The following GRID2IP variants were observed in gnomAD, a reference collection of about 807,000 sequenced individuals.
The protein encoded by GRID2IP is Grid2 interacting protein.
GRID2IP carries 78 observed loss-of-function variants against 114.3 expected under a neutral mutation model. The observed-to-expected ratio is 0.68, with a 90% CI of 0.57 to 0.82. GRID2IP has a LOEUF of 0.82. Among genes scored for constraint, GRID2IP ranks in the 40% least tolerant of loss-of-function variants. GRID2IP has a pLI of 0.00. For missense variants in GRID2IP, 1,727 were observed against 1,678.5 expected (o/e 1.03, Z -0.51); for synonymous variants, 809 against 724.0 (o/e 1.12, Z -1.89).
chr7:6,515,730 G>C (rs149714172), intron 7 of GRID2IP, among the ~76,000 whole-genome samples: 25 of 151,626 alleles, frequency 1.6e-4, no homozygotes, highest in Non-Finnish European at 3.1e-4. Flanking sequence ...GTTGCACCGA[G>C]CCAAGATTGC....
Position 6,521,570 on chromosome 7 carries a change from G to C in GRID2IP, c.990-47C>G. Reference sequence around the variant, plus strand: ...GGAGGGCCTGACTGGGGTGAGCCCTGTCCACGGCCACCAGCCAGACCTCCC... The same window carrying C: ...GGAGGGCCTGACTGGGGTGAGCCCTCTCCACGGCCACCAGCCAGACCTCCC... On this transcript the variant is annotated intron_variant, in intron 5 of 21. Coordinates refer to ENST00000457091, the MANE Select transcript of GRID2IP (RefSeq NM_001145118.2). This position sits in a 1 kb window ranked among gnomAD's most constrained non-coding sequence, Gnocchi z 4.1. The C allele has an allele frequency of 7.2e-7, 1 of 1,396,604 alleles. No individual in the cohort carries two copies. The highest frequency in any genetic ancestry group is 9.7e-7 in the Non-Finnish European group (1 of 1,026,266). 86.5% of individuals were successfully genotyped at this position (1,396,604 alleles called of 1,614,324 possible).
In GRID2IP at chr7:6,497,704, G is replaced by C; in HGVS notation, c.*70C>G. ...CGGGGCACAGTGGCCCCGGACCTCG[G>C]CAGTGTCTGGGCTGCCCTCTCGGCC... On this transcript the variant is annotated 3_prime_UTR_variant, in exon 22 of 22. Transcript: ENST00000457091. The C allele has an allele frequency of 8.4e-7, 1 of 1,191,530 alleles. No homozygotes were observed. Among genetic ancestry groups the C allele is most frequent in the Non-Finnish European group, 1.2e-6 (1 of 842,866 alleles). 73.8% of individuals were successfully genotyped at this position (1,191,530 alleles called of 1,614,324 possible).
chr7:6,503,206 G>C, intron 16 of GRID2IP, 43 bp from the exon 17 acceptor site: 1 of 1,461,428 alleles, frequency 6.8e-7, no homozygotes, highest in South Asian at 1.4e-5. Context: ...CCCCTTCCTG[G>C]GACCCTCTGC....
In GRID2IP at chr7:6,503,656, G is replaced by C. The variant is rs1239804959; in HGVS notation, c.2742C>G (p.Pro914=). ...SILLAHLKLS[P]AELRQVLMSM... ...TCATCAGCACCTGGCGCAGCTCCGC[G>C]GGGCTCAGCTTCAGGTGTGCCAAGA... is the stretch of plus-strand genomic sequence containing the variant. The change falls in exon 16 of 22, where the codon CCC becomes CCG. Residue 914 remains proline (P), a synonymous_variant. Transcript: ENST00000457091. The C allele has an allele frequency of 3.3e-6, 5 of 1,515,654 alleles. No homozygotes were observed. The highest frequency in any genetic ancestry group is 4.4e-6 in the Non-Finnish European group (5 of 1,138,662). 93.9% of individuals were successfully genotyped at this position (1,515,654 alleles called of 1,614,324 possible).
chr7:6,529,922 C>T (rs1005438201), intron 2 of GRID2IP, among the ~76,000 whole-genome samples: 1 of 150,984 alleles, frequency 6.6e-6, no homozygotes, highest in Non-Finnish European at 1.5e-5. Context: ...CTCCTAGGGT[C>T]CTCTCTCCCC....
intron 2 of GRID2IP, among the ~76,000 whole-genome samples, chr7:6,537,827 A>C (rs905405019): frequency 2.6e-5 from 4 of 151,738 alleles, no homozygotes; most frequent in African/African-American, 7.3e-5. Context: ...TCCAGCCTGG[A>C]TGACAGAGCG....
intron 8 of GRID2IP, 151 bp downstream of exon 8, chr7:6,514,224 G>A: frequency 1.3e-6 from 1 of 750,510 alleles, no homozygotes; most frequent in Non-Finnish European, 2.0e-6. Context: ...TTGCACTCCA[G>A]CCTGGGGCAC....
intron 2 of GRID2IP, among the ~76,000 whole-genome samples, chr7:6,527,557 G>A (rs1311776559): frequency 2.0e-5 from 3 of 152,138 alleles, no homozygotes; most frequent in African/African-American, 4.8e-5. Flanking sequence ...GTGGGTCTCC[G>A]CTGCAGGGCT....
In GRID2IP at chr7:6,512,424, T is replaced by TC. The variant is rs1380476099; in HGVS notation, c.1424-1386dup. Among the ~76,000 whole-genome samples the TC allele has an allele frequency of 4.0e-5, 6 of 151,688 alleles. No homozygotes were observed. The East Asian group carries it at 1.2e-3, about 30-fold the overall frequency. On this transcript the variant is annotated intron_variant, in intron 8 of 21. Coordinates refer to ENST00000457091, the MANE Select transcript of GRID2IP (RefSeq NM_001145118.2). ...TTTTGCTATGTTGCCCAGGCTGGTC[T>TC]CCAACTCCTGAGCTCAAGTGCTCCT...
Position 6,509,365 on chromosome 7 carries a change from C to T in GRID2IP, c.1772-52G>A. The T allele has an allele frequency of 7.0e-7, 1 of 1,434,192 alleles. No individual in the cohort carries two copies. Among genetic ancestry groups the T allele is most frequent in the South Asian group, 1.5e-5 (1 of 68,150 alleles). 88.8% of individuals were successfully genotyped at this position (1,434,192 alleles called of 1,614,324 possible). ...TCCTCTTCAGCCAGCACCGAGGTTC[C>T]AGGTGCAAGCTGGAGAGAGGGTCCT... On this transcript the variant is annotated intron_variant, in intron 11 of 21. Transcript: ENST00000457091. The surrounding 1 kb of genome is among the most constrained non-coding windows in gnomAD (Gnocchi z 4.9).
chr7:6,511,075 C>T, intron 8 of GRID2IP, 36 bp from the exon 9 acceptor site: 1 of 1,367,024 alleles, frequency 7.3e-7, no homozygotes, highest in South Asian at 1.7e-5. Flanking sequence ...GCCCTCTTGC[C>T]CTCTCAGCCA....
Position 6,532,200 on chromosome 7 carries a change from G to C in GRID2IP, c.585-5431C>G, listed in dbSNP as rs193033644. 2.6e-5 allele frequency among the ~76,000 whole-genome samples: 4 copies of C among 152,266 alleles called. No homozygotes were observed. Among genetic ancestry groups the C allele is most frequent in the Admixed American group, 2.6e-4 (4 of 15,284 alleles). Reference sequence around the variant, plus strand: ...TCCCGACTGCCTCTGGAGAGGCCCAGAATCAGGCCTGAGGAACAAATGAGA... The same window carrying C: ...TCCCGACTGCCTCTGGAGAGGCCCACAATCAGGCCTGAGGAACAAATGAGA... On this transcript the variant is annotated intron_variant, in intron 2 of 21. Transcript: ENST00000457091. This position sits in a 1 kb window ranked among gnomAD's most constrained non-coding sequence, Gnocchi z 4.4.
rs1226740966 is a variant in GRID2IP, at chr7:6,551,197, G to C, written c.240C>G (p.Gly80=). Residue 80 remains glycine, a synonymous_variant, in exon 1 of 22, where the codon GGC becomes GGG. Transcript: ENST00000457091. The part of the protein sequence containing the change: ...RRCPRVPPSL[G]VLPAPDGGPG... Reference sequence around the variant, plus strand: ...GGCCACCGTCGGGAGCCGGGAGCACGCCCAGACTGGGCGGCACACGTGGGC... The same window carrying C: ...GGCCACCGTCGGGAGCCGGGAGCACCCCCAGACTGGGCGGCACACGTGGGC... 6.9e-7 allele frequency: 1 copy of C among 1,449,948 alleles called. No individual in the cohort carries two copies. The highest frequency in any genetic ancestry group is 9.0e-7 in the Non-Finnish European group (1 of 1,110,306). The allele number at this position is 1,449,948 out of a possible 1,614,324, so 89.8% of individuals were successfully genotyped here. A position where few individuals can be genotyped will look rare whatever the true frequency, so the allele number is the denominator to read the frequency against.
chr7:6,524,950 C>T (rs1779480796), intron 4 of GRID2IP, among the ~76,000 whole-genome samples: 1 of 151,684 alleles, frequency 6.6e-6, no homozygotes, highest in Non-Finnish European at 1.5e-5. Context: ...GATCTCCTGA[C>T]CTCGTGATCC....
chr7:6,530,962 GC>G, intron 2 of GRID2IP: 1 of 544,540 alleles, frequency 1.8e-6, no homozygotes, highest in Non-Finnish European at 3.3e-6. Context: ...GGGCAGGGAA[GC>G]CCCTCCACGC....
Position 6,497,686 on chromosome 7 carries a change from CA to C in GRID2IP, c.*87del. The C allele has an allele frequency of 1.0e-6, 1 of 965,410 alleles. No individual in the cohort carries two copies. The highest frequency in any genetic ancestry group is 1.5e-6 in the Non-Finnish European group (1 of 652,452). The allele number at this position is 965,410 out of a possible 1,614,324, so 59.8% of individuals were successfully genotyped here. A position where few individuals can be genotyped will look rare whatever the true frequency, so the allele number is the denominator to read the frequency against. ...GGCGGTGTGCTCAGAGCCCGGGGCA[CA>C]GTGGCCCCGGACCTCGGCAGTGTCT... On this transcript the variant is annotated 3_prime_UTR_variant, in exon 22 of 22. Coordinates refer to ENST00000457091, the MANE Select transcript of GRID2IP (RefSeq NM_001145118.2).
At chr7:6,540,228 T>G (rs1779792772) in intron 1 of GRID2IP, among the ~76,000 whole-genome samples, 1 of 151,970 alleles carries the variant, frequency 6.6e-6, no homozygotes, top group Non-Finnish European at 1.5e-5. Flanking sequence ...TTCTCCTGCC[T>G]CAGCCTCCTG....
intron 1 of GRID2IP, among the ~76,000 whole-genome samples, chr7:6,549,839 C>T (rs905307625): frequency 1.9e-4 from 29 of 151,814 alleles, no homozygotes; most frequent in African/African-American, 5.6e-4. Flanking sequence ...CCACATTGCC[C>T]AGGCTGGTCT....
intron 1 of GRID2IP, among the ~76,000 whole-genome samples, chr7:6,540,656 G>C (rs1206895308): frequency 6.8e-6 from 1 of 147,542 alleles, no homozygotes; most frequent in Non-Finnish European, 1.5e-5. Flanking sequence ...AAGTAGCTGG[G>C]ATTACAGGCA....
Sources: gnomAD v4.1 joint callset for allele counts (sites outside exome capture counted in the v4.1 genomes callset) on GRCh38, gnomAD v4.1.1 for gene constraint, Gnocchi (gnomAD v3.1) non-coding constraint, MANE v1.5 for transcripts, NCBI Gene and HGNC (gene_info 2026-07-23, HGNC 2026-07-21) for gene names.